The following COL25A1 variants were observed in gnomAD, a reference collection of about 807,000 sequenced individuals.
COL25A1 encodes the protein collagen type XXV alpha 1 chain, also known as collagen alpha-1(XXV) chain.
In COL25A1, 103 loss-of-function variants were observed where a neutral mutation model predicts 128.4. The ratio of observed to expected loss-of-function variants is 0.80; its 90% CI spans 0.68 to 0.94. The LOEUF is 0.94. COL25A1 is among the 40% of genes least tolerant of loss of function. The probability of loss-of-function intolerance (pLI) is 0.00; values close to 1 mark genes in which losing one functional copy is unlikely to be tolerated. For missense variants in COL25A1, 745 were observed against 840.0 expected, an observed-to-expected ratio of 0.89 and a Z score of 1.40; for synonymous variants, 279 against 277.2, an observed-to-expected ratio of 1.01 and a Z score of -0.06.
At chr4:109,250,203 AATAAG>A (rs966072997) in intron 3 of COL25A1, among the ~76,000 whole-genome samples, 4 of 152,176 alleles carry the variant, frequency 2.6e-5, no homozygotes, top group African/African-American at 9.7e-5. Context: ...TTTGCTATAA[AATAAG>A]ATAACAATAG....
intron 3 of COL25A1, among the ~76,000 whole-genome samples, chr4:109,118,280 T>C (rs964319625): frequency 3.3e-5 from 5 of 151,874 alleles, no homozygotes; most frequent in African/African-American, 1.2e-4. Flanking sequence ...TTTAGTGATC[T>C]ATTGCACTGC....
intron 31 of COL25A1, among the ~76,000 whole-genome samples, chr4:108,838,435 A>G (rs1734057873): frequency 6.6e-6 from 1 of 152,218 alleles, no homozygotes; most frequent in Non-Finnish European, 1.5e-5. Flanking sequence ...TTGAATTCCT[A>G]AATTTTTCAG....
intron 12 of COL25A1, 48 bp downstream of exon 12, chr4:108,920,530 G>C (rs755025121): frequency 6.8e-7 from 1 of 1,474,100 alleles, no homozygotes; most frequent in Admixed American, 1.8e-5. Context: ...CTTGCCATTA[G>C]GTCATGAGAG....
intron 20 of COL25A1, among the ~76,000 whole-genome samples, chr4:108,866,482 C>T (rs1223356180): frequency 6.6e-6 from 1 of 152,220 alleles, no homozygotes; most frequent in African/African-American, 2.4e-5. Flanking sequence ...CGTAAGCCAC[C>T]ATGCCCAGGC....
chr4:109,119,334 GA>G (rs1767902777), intron 3 of COL25A1, among the ~76,000 whole-genome samples: 2 of 151,572 alleles, frequency 1.3e-5, no homozygotes, highest in Non-Finnish European at 2.9e-5. Context: ...AGAATAAGCA[GA>G]ATAAAAGAAA....
chr4:109,168,654 T>C (rs1773293416), intron 3 of COL25A1, among the ~76,000 whole-genome samples: 1 of 152,120 alleles, frequency 6.6e-6, no homozygotes, highest in Admixed American at 6.6e-5. Context: ...CTATATATCA[T>C]ATTAAAGTGT....
chr4:109,015,059 T>G (rs1233915390), intron 5 of COL25A1, among the ~76,000 whole-genome samples: 1 of 152,222 alleles, frequency 6.6e-6, no homozygotes, highest in Admixed American at 6.5e-5. Context: ...AGGAGAGGTT[T>G]CTGGTGATAT....
intron 3 of COL25A1, among the ~76,000 whole-genome samples, chr4:109,194,305 A>G (rs937148887): frequency 6.6e-6 from 1 of 152,202 alleles, no homozygotes; most frequent in Non-Finnish European, 1.5e-5. Context: ...TACTCCTTCT[A>G]CGATGTCATA....
rs569243876 is a variant in COL25A1 at position 108,898,493 on chromosome 4, C to T, written c.861+661G>A. On this transcript the variant is annotated intron_variant, in intron 15 of 37. Transcript: ENST00000399132. ...GCATGAGAACCAGGAAAATAAGTATCGTAATATGCAATCAGAGCCTAAAAA... is the reference window on the plus strand; with the variant it reads ...GCATGAGAACCAGGAAAATAAGTATTGTAATATGCAATCAGAGCCTAAAAA... 3.9e-5 allele frequency among the ~76,000 whole-genome samples: 6 copies of T among 152,192 alleles called. No homozygotes were observed. The East Asian group carries it at 5.8e-4, about 15-fold the overall frequency.
At chr4:108,877,458 A>G (rs1739578960) in intron 19 of COL25A1, among the ~76,000 whole-genome samples, 1 of 152,216 alleles carries the variant, frequency 6.6e-6, no homozygotes, top group Admixed American at 6.5e-5. Context: ...ATATGTACAC[A>G]CAGAAATGAT....
chr4:108,867,643 C>T (rs183612519), intron 20 of COL25A1, among the ~76,000 whole-genome samples: 43 of 152,228 alleles, frequency 2.8e-4, no homozygotes, highest in African/African-American at 1.0e-3. Context: ...CAGAACAGAC[C>T]ATGAACATAT....
chr4:109,063,110 T>C (rs1560620566), intron 3 of COL25A1, among the ~76,000 whole-genome samples: 1 of 152,166 alleles, frequency 6.6e-6, no homozygotes, highest in East Asian at 1.9e-4. Flanking sequence ...AGCCAATACA[T>C]AATACAGTGT....
intron 20 of COL25A1, among the ~76,000 whole-genome samples, chr4:108,867,083 C>G (rs1365329104): frequency 6.6e-6 from 1 of 152,138 alleles, no homozygotes; most frequent in Non-Finnish European, 1.5e-5. Flanking sequence ...TTTTATGCCT[C>G]TACATCTGGA....
intron 3 of COL25A1, among the ~76,000 whole-genome samples, chr4:109,070,498 T>C (rs1762842126): frequency 1.3e-5 from 2 of 152,196 alleles, no homozygotes; most frequent in African/African-American, 2.4e-5. Flanking sequence ...ATCCTGATTT[T>C]ACTGTTGAAC....
At chr4:109,080,349 A>G (rs1051970263) in intron 3 of COL25A1, among the ~76,000 whole-genome samples, 11 of 152,106 alleles carry the variant, frequency 7.2e-5, no homozygotes, top group African/African-American at 2.2e-4. Context: ...TAAAAATATA[A>G]TAATAATAAA....
At chr4:108,846,303 A>G (rs1401665334) in intron 27 of COL25A1, 84 bp from the exon 28 acceptor site, 2 of 861,188 alleles carry the variant, frequency 2.3e-6, no homozygotes, top group East Asian at 4.9e-5. Context: ...ATTCCGATCA[A>G]TTTCGTTAAT....
intron 3 of COL25A1, among the ~76,000 whole-genome samples, chr4:109,102,196 T>TATCTA (rs1327448226): frequency 6.6e-6 from 1 of 152,182 alleles, no homozygotes; most frequent in Non-Finnish European, 1.5e-5. Flanking sequence ...GTATTTTACA[T>TATCTA]GTAAAATATA....
chr4:108,868,902 AG>A (rs1199982363), intron 20 of COL25A1, among the ~76,000 whole-genome samples, 185 bp downstream of exon 20: 1 of 108,620 alleles, frequency 9.2e-6, no homozygotes, highest in Non-Finnish European at 2.2e-5. Context: ...GGAAGGAAAG[AG>A]AAAAAGAAAG....
intron 5 of COL25A1, among the ~76,000 whole-genome samples, chr4:109,027,063 C>T (rs1261413978): frequency 6.6e-6 from 1 of 152,114 alleles, no homozygotes; most frequent in Non-Finnish European, 1.5e-5. Context: ...TGTTGAGTAC[C>T]TACAGTGTGC....
Sources: gnomAD v4.1 joint callset for allele counts (sites outside exome capture counted in the v4.1 genomes callset) on GRCh38, gnomAD v4.1.1 for gene constraint, MANE v1.5 for transcripts, NCBI Gene and HGNC (gene_info 2026-07-23, HGNC 2026-07-21) for gene names.